The following PBDC1 variants were observed in gnomAD, a reference collection of about 807,000 sequenced individuals.
The protein encoded by PBDC1 is protein PBDC1.
In PBDC1, 3 loss-of-function variants were observed where a neutral mutation model predicts 12.0. The observed-to-expected ratio is 0.25, with a 90% CI of 0.11 to 0.64. PBDC1 has a LOEUF of 0.64. PBDC1 is among the 30% of genes least tolerant of loss of function. PBDC1 has a pLI of 0.84. For synonymous variants in PBDC1, 64 were observed against 56.4 expected (o/e 1.13, Z -0.60); for missense variants, 162 against 168.1 (o/e 0.96, Z 0.20).
intron 1 of PBDC1, 135 bp from the exon 2 acceptor site, chrX:76,173,450 T>C (rs1924708649): frequency 6.4e-6 from 3 of 466,431 alleles, no homozygotes; most frequent in Admixed American, 4.0e-5. Flanking sequence ...CTCAAACTCC[T>C]GGGCTCAGGC....
intron 4 of PBDC1, 38 bp from the exon 5 acceptor site, chrX:76,176,843 T>C (rs1556796997): frequency 1.1e-6 from 1 of 950,197 alleles, no homozygotes; most frequent in South Asian, 2.0e-5. Flanking sequence ...GTCAGCCTCT[T>C]GCATTTGTCA....
chrX:76,173,733 T>C (rs1445190273), intron 2 of PBDC1, 83 bp downstream of exon 2: 8 of 581,454 alleles, frequency 1.4e-5, no homozygotes, highest in Non-Finnish European at 2.0e-5. Context: ...AGTTATAACT[T>C]CACGTCCTGA....
intron 2 of PBDC1, among the ~76,000 whole-genome samples, chrX:76,173,896 C>T (rs1440566776): frequency 8.9e-6 from 1 of 111,990 alleles, no homozygotes; most frequent in Non-Finnish European, 1.9e-5. Context: ...TTAAACATCC[C>T]GCTGCCTAGA....
intron 5 of PBDC1, 127 bp from the exon 6 acceptor site, chrX:76,177,489 T>C (rs1924820409): frequency 3.5e-6 from 2 of 564,376 alleles, no homozygotes; most frequent in Non-Finnish European, 2.8e-6. Flanking sequence ...AAATTGAGGC[T>C]GCAGTAAGCT....
chrX:76,174,998 G>T (rs1425405049), intron 3 of PBDC1, 49 bp downstream of exon 3: 1 of 904,943 alleles, frequency 1.1e-6, no homozygotes, highest in South Asian at 2.0e-5. Context: ...TGTAATTATA[G>T]TGTATGATGC....
In PBDC1 at chrX:76,174,963, C is replaced by G. The variant is rs1556796796; in HGVS notation, c.156+14C>G. 2 of 1,137,712 alleles carry G rather than the reference C, an allele frequency of 1.8e-6. No homozygotes were observed. Among genetic ancestry groups the G allele is most frequent in the Admixed American group, 4.4e-5 (2 of 45,948 alleles). 93.8% of individuals were successfully genotyped at this position (1,137,712 alleles called of 1,213,427 possible). A position where few individuals can be genotyped will look rare whatever the true frequency, so the allele number is the denominator to read the frequency against. ...GTCTATTACAAGGTGAGTTGTCTTT[C>G]TTCATCATTAAGCAGAATTAAACAT... On this transcript the variant is annotated intron_variant, in intron 3 of 5. Coordinates refer to ENST00000373358, the MANE Select transcript of PBDC1 (RefSeq NM_016500.5).
chrX:76,173,129 G>A lies in PBDC1; in HGVS notation c.-10G>A, dbSNP rs1292252650. ...GCTGCGGAAGGAGCCACGCTTTCGG[G>A]GGTTGCAAGATGGCGGCCACCAGTG... On this transcript the variant is annotated 5_prime_UTR_variant, in exon 1 of 6. Transcript: ENST00000373358. 2.6e-6 allele frequency: 3 copies of A among 1,174,230 alleles called. No homozygotes were observed. In the African/African-American group the frequency reaches 5.3e-5, roughly 21 times the overall value.
In PBDC1 at chrX:76,173,114, G is replaced by T. The variant is rs1924696949; in HGVS notation, c.-25G>T. The T allele has an allele frequency of 8.5e-7, 1 of 1,172,257 alleles. No individual in the cohort carries two copies. Among genetic ancestry groups the T allele is most frequent in the East Asian group, 3.2e-5 (1 of 31,603 alleles). ...TCAGCTTTCCAATCAGCTGCGGAAG[G>T]AGCCACGCTTTCGGGGGTTGCAAGA... On this transcript the variant is annotated 5_prime_UTR_variant, in exon 1 of 6. Coordinates refer to ENST00000373358, the MANE Select transcript of PBDC1 (RefSeq NM_016500.5).
intron 1 of PBDC1, among the ~76,000 whole-genome samples, chrX:76,173,375 C>T (rs1240309260): frequency 7.2e-5 from 8 of 111,059 alleles, no homozygotes; most frequent in African/African-American, 9.8e-5. Context: ...CCCGTGCCAC[C>T]ACGCCCAGCT....
intron 1 of PBDC1, 114 bp from the exon 2 acceptor site, chrX:76,173,471 C>A: frequency 1.9e-6 from 1 of 530,559 alleles, no homozygotes; most frequent in Non-Finnish European, 3.0e-6. Flanking sequence ...GATCCGCCCG[C>A]CTCGGCCTCC....
At chrX:76,177,424 G>A (rs1029947865) in intron 5 of PBDC1, among the ~76,000 whole-genome samples, 192 bp from the exon 6 acceptor site, 12 of 110,824 alleles carry the variant, frequency 1.1e-4, no homozygotes, top group Non-Finnish European at 1.9e-4. Context: ...AGTGGTGAGT[G>A]TTTGTAGTTC....
intron 4 of PBDC1, among the ~76,000 whole-genome samples, chrX:76,176,249 G>T (rs2147447161): frequency 9.2e-6 from 1 of 109,169 alleles, no homozygotes; most frequent in South Asian, 4.0e-4. Flanking sequence ...CGCCTCTCAA[G>T]CTCAAACAGT....
intron 3 of PBDC1, 70 bp downstream of exon 3, chrX:76,175,019 A>G: frequency 1.3e-6 from 1 of 798,082 alleles, no homozygotes; most frequent in South Asian, 2.2e-5. Context: ...TCTGCTTATC[A>G]CTATTCTCAG....
In PBDC1 at chrX:76,175,606, C is replaced by A; in HGVS notation, c.290C>A (p.Ala97Asp). 8.5e-7 allele frequency: 1 copy of A among 1,179,814 alleles called. No homozygotes were observed. The highest frequency in any genetic ancestry group is 2.0e-5 in the South Asian group (1 of 50,800). ...LDPEELKSES[A>D]KEKWRPFCLK... ...CCAGAAGAACTCAAGTCAGAATCAG[C>A]CAAAGAGGTAAAAATTCTCTTTCTT... The change falls in exon 4 of 6, where the codon GCC (alanine) becomes GAC (aspartate). Residue 97 changes from alanine (A) to aspartate (D), a missense_variant. Ala to Asp is a moderately radical substitution (Grantham distance 126). Transcript: ENST00000373358.
chrX:76,175,271 A>G (rs1379561543), intron 3 of PBDC1, among the ~76,000 whole-genome samples: 2 of 112,378 alleles, frequency 1.8e-5, no homozygotes, highest in Admixed American at 1.9e-4. Flanking sequence ...AAGTAAGCCA[A>G]CTGCCAAATT....
rs1004180213 is a variant in PBDC1, at chrX:76,174,898, T to G, written c.105T>G (p.Ile35Met). ...PAESYGNDPD[I>M]EMAWAMRAMQ... Reference sequence around the variant, plus strand: ...TCTTCACTCCTTTGCAGCCTGACATTGAGATGGCTTGGGCCATGAGAGCAA... The same window carrying G: ...TCTTCACTCCTTTGCAGCCTGACATGGAGATGGCTTGGGCCATGAGAGCAA... The change falls in exon 3 of 6, where the codon ATT becomes ATG. Residue 35 changes from isoleucine to methionine, a missense_variant. By Grantham distance (10) the Ile-to-Met change is conservative (BLOSUM62 1). This residue lies in a region of PBDC1 where 41 missense variants were observed against 28.5 expected (regional missense o/e 1.44). Coordinates refer to ENST00000373358, the MANE Select transcript of PBDC1 (RefSeq NM_016500.5). 2.5e-6 allele frequency: 3 copies of G among 1,207,298 alleles called. No homozygotes were observed. In the African/African-American group the frequency reaches 5.2e-5, roughly 21 times the overall value.
At position 76,176,866 on chromosome X, in the gene PBDC1, T is replaced by A; in HGVS notation, c.298-15T>A. 3.6e-6 allele frequency: 4 copies of A among 1,122,088 alleles called. No individual in the cohort carries two copies. The East Asian group carries it at 1.2e-4, about 34-fold the overall frequency. The allele number at this position is 1,122,088 out of a possible 1,213,427, so 92.5% of individuals were successfully genotyped here. On this transcript the variant is annotated splice_polypyrimidine_tract_variant and intron_variant, in intron 4 of 5. Coordinates refer to ENST00000373358, the MANE Select transcript of PBDC1 (RefSeq NM_016500.5). Reference sequence around the variant, plus strand: ...CTTGCATTTGTCAGCTAAAGCATCGTTTTTGCCTTTATAGAAGTGGAGGCC... The same window carrying A: ...CTTGCATTTGTCAGCTAAAGCATCGATTTTGCCTTTATAGAAGTGGAGGCC...
At chrX:76,173,481 C>T in intron 1 of PBDC1, 104 bp from the exon 2 acceptor site, 1 of 597,826 alleles carries the variant, frequency 1.7e-6, no homozygotes, top group East Asian at 3.6e-5. Context: ...CCTCGGCCTC[C>T]CAAAGTGCTG....
At chrX:76,176,250 C>G (rs1347681554) in intron 4 of PBDC1, among the ~76,000 whole-genome samples, 1 of 109,356 alleles carries the variant, frequency 9.1e-6, no homozygotes, top group Non-Finnish European at 1.9e-5. Flanking sequence ...GCCTCTCAAG[C>G]TCAAACAGTC....
Sources: gnomAD v4.1 joint callset for allele counts (sites outside exome capture counted in the v4.1 genomes callset) on GRCh38, gnomAD v4.1.1 for gene constraint, gnomAD v4.1.1 regional missense constraint, MANE v1.5 for transcripts, NCBI Gene and HGNC (gene_info 2026-07-23, HGNC 2026-07-21) for gene names.